Variants in CHRNA3 observed in about 807,000 individuals in gnomAD.
The protein encoded by CHRNA3 is neuronal acetylcholine receptor subunit alpha-3.
In CHRNA3, 34 loss-of-function variants were observed where a neutral mutation model predicts 41.9. The ratio of observed to expected loss-of-function variants is 0.81; its 90% CI spans 0.62 to 1.08. The LOEUF is 1.08. CHRNA3 is among the 50% of genes least tolerant of loss of function. The pLI is 0.00. For missense variants in CHRNA3, 542 were observed against 638.3 expected, an observed-to-expected ratio of 0.85 and a Z score of 1.63; for synonymous variants, 281 against 265.2, an observed-to-expected ratio of 1.06 and a Z score of -0.58.
intron 4 of CHRNA3, among the ~76,000 whole-genome samples, chr15:78,615,380 CT>C (rs891030699): frequency 4.5e-4 from 69 of 152,336 alleles, no homozygotes; most frequent in African/African-American, 1.6e-3. Context: ...GCTCAGCCCC[CT>C]GATCACAGCA....
In CHRNA3 at chr15:78,595,848, A is replaced by AGAT. The variant is rs2053098453; in HGVS notation, c.*753_*755dup. 6.5e-6 allele frequency: 1 copy of AGAT among 154,550 alleles called. No individual in the cohort carries two copies. The allele number at this position is 154,550 out of a possible 1,614,324, so 9.6% of individuals were successfully genotyped here. A position where few individuals can be genotyped will look rare whatever the true frequency, so the allele number is the denominator to read the frequency against. On this transcript the variant is annotated 3_prime_UTR_variant, in exon 6 of 6. Transcript: ENST00000326828. ...TGCCCTTATAAAATAGACCCCACAGAGATAGCTAGTCCCTTCAGTCATGTG... is the reference window on the plus strand; with the variant it reads ...TGCCCTTATAAAATAGACCCCACAGAGATGATAGCTAGTCCCTTCAGTCATGTG...
intron 4 of CHRNA3, among the ~76,000 whole-genome samples, chr15:78,610,241 G>C (rs539209083): frequency 1.3e-5 from 2 of 152,136 alleles, no homozygotes; most frequent in Non-Finnish European, 2.9e-5. Context: ...GACATCTACA[G>C]AACTCTCCAC....
chr15:78,608,286 C>T (rs764339542), intron 4 of CHRNA3, among the ~76,000 whole-genome samples: 1 of 152,216 alleles, frequency 6.6e-6, no homozygotes, highest in African/African-American at 2.4e-5. Context: ...CCCTGACCCC[C>T]GAGCAGCCTA....
In CHRNA3 at chr15:78,618,898, CCT is replaced by C. The variant is rs761328785; in HGVS notation, c.98_99del (p.Glu33GlyfsTer2). 6.2e-7 allele frequency: 1 copy of C among 1,613,500 alleles called. No individual in the cohort carries two copies. The highest frequency in any genetic ancestry group is 1.1e-5 in the South Asian group (1 of 91,062). On this transcript the variant is annotated frameshift_variant, in exon 2 of 6. Transcript: ENST00000326828. LOFTEE classifies it high-confidence loss of function. The stretch of plus-strand genomic sequence containing the variant: ...AGCCGCTCAAATAGACGGTGCTCAG[CCT>C]CTGAGGCCCTGGCCACTGTGGGAAG... Reference protein sequence around the residue: ...LSLLPVARASEAEHRLFERLF... With the variant: ...LSLLPVARASXAEHRLFERLF...
chr15:78,605,267 A>C (rs917589312), intron 4 of CHRNA3, among the ~76,000 whole-genome samples: 1 of 152,168 alleles, frequency 6.6e-6, no homozygotes, highest in African/African-American at 2.4e-5. Context: ...TCAGAAAAAT[A>C]GGGCAACTAG....
At chr15:78,613,733 TAAA>T (rs1286946889) in intron 4 of CHRNA3, among the ~76,000 whole-genome samples, 1 of 100,974 alleles carries the variant, frequency 9.9e-6, no homozygotes, top group African/African-American at 3.4e-5. Flanking sequence ...TAATAAAATT[TAAA>T]AAAAAACTGT....
intron 4 of CHRNA3, among the ~76,000 whole-genome samples, chr15:78,612,903 G>C (rs2141339605): frequency 6.6e-6 from 1 of 151,566 alleles, no homozygotes; most frequent in South Asian, 2.1e-4. Flanking sequence ...TCAAAAAGTG[G>C]GTGAAGGATA....
chr15:78,603,855 G>C (rs935839263), intron 4 of CHRNA3, among the ~76,000 whole-genome samples: 6 of 152,028 alleles, frequency 3.9e-5, no homozygotes, highest in African/African-American at 1.2e-4. Flanking sequence ...AATTCCCTAC[G>C]AGTATTCCTG....
intron 4 of CHRNA3, chr15:78,607,654 T>C (rs145649011): frequency 0.012 from 1,861 of 152,674 alleles, 12 homozygotes; most frequent in Non-Finnish European, 0.017. Flanking sequence ...ATGCAGAAGA[T>C]GGGTGATTTC....
At chr15:78,616,895 A>G (rs1596084192) in intron 4 of CHRNA3, 129 bp downstream of exon 4, 1 of 631,932 alleles carries the variant, frequency 1.6e-6, no homozygotes. Context: ...TTACATACCT[A>G]TGGACTGAAC....
Position 78,601,390 on chromosome 15 carries a change from T to TA in CHRNA3, c.1251dup (p.Asn418Ter). ...TCAGAACTAGAGCTTCTCGTGAGGTTAGCACTGAAATTGGAGATTTTTATC... is the reference window on the plus strand; with the variant it reads ...TCAGAACTAGAGCTTCTCGTGAGGTTAAGCACTGAAATTGGAGATTTTTATC... On this transcript the variant is annotated frameshift_variant, in exon 5 of 6. Transcript: ENST00000326828. LOFTEE classifies it high-confidence loss of function. 6.2e-7 allele frequency: 1 copy of TA among 1,614,184 alleles called. No homozygotes were observed. The highest frequency in any genetic ancestry group is 8.5e-7 in the Non-Finnish European group (1 of 1,180,036).
chr15:78,606,381 C>A (rs12914385), intron 4 of CHRNA3, among the ~76,000 whole-genome samples: 4 of 148,526 alleles, frequency 2.7e-5, no homozygotes, highest in Non-Finnish European at 4.4e-5. Flanking sequence ...TTAACACACA[C>A]GCAGATAACA....
At chr15:78,620,484 G>A (rs2053532920) in intron 1 of CHRNA3, among the ~76,000 whole-genome samples, 1 of 151,536 alleles carries the variant, frequency 6.6e-6, no homozygotes, top group Non-Finnish European at 1.5e-5. Flanking sequence ...CCCGCTCAGT[G>A]ACTCCCAGGT....
At chr15:78,595,303 G>A, downstream of CHRNA3, 1 of 985,290 alleles carries the variant, frequency 1.0e-6, no homozygotes, top group Non-Finnish European at 1.2e-6. Context: ...ATGAGTCACA[G>A]CGGGCTGCAA....
At chr15:78,611,885 A>G (rs1274924349) in intron 4 of CHRNA3, among the ~76,000 whole-genome samples, 1 of 152,120 alleles carries the variant, frequency 6.6e-6, no homozygotes, top group Non-Finnish European at 1.5e-5. Context: ...CAGGATACAA[A>G]ATCAATGTAC....
intron 5 of CHRNA3, among the ~76,000 whole-genome samples, chr15:78,598,936 C>A (rs2053154457): frequency 6.6e-6 from 1 of 150,784 alleles, no homozygotes; most frequent in African/African-American, 2.4e-5. Context: ...CGAGTTCAAG[C>A]AATTCTTGTG....
In CHRNA3 at chr15:78,601,267, T is replaced by C. The variant is rs1460591599; in HGVS notation, c.1375A>G (p.Asn459Asp). Residue 459 changes from asparagine to aspartate, a missense_variant, in exon 5 of 6, where the codon AAT (asparagine) becomes GAT (aspartate). Physicochemically the swap from Asn to Asp is conservative, Grantham distance 23. Transcript: ENST00000326828. Reference protein sequence around the residue: ...KYIAENMKAQNEAKEIQDDWK... With the variant: ...KYIAENMKAQDEAKEIQDDWK... ...CATATCCTTACCTCTTTGGCTTCAT[T>C]TTGTGCTTTCATATTTTCAGCAATA... 6 of 1,612,878 alleles carry C rather than the reference T, an allele frequency of 3.7e-6. No individual in the cohort carries two copies. The highest frequency in any genetic ancestry group is 5.1e-6 in the Non-Finnish European group (6 of 1,179,284).
At chr15:78,613,015 A>C (rs1210792107) in intron 4 of CHRNA3, among the ~76,000 whole-genome samples, 1 of 152,244 alleles carries the variant, frequency 6.6e-6, no homozygotes, top group African/African-American at 2.4e-5. Flanking sequence ...CAAAACCACA[A>C]TGAGATACCA....
chr15:78,601,995 T>G lies in CHRNA3; in HGVS notation c.647A>C (p.Lys216Thr). The G allele has an allele frequency of 8.1e-6, 13 of 1,613,656 alleles. No individual in the cohort carries two copies. The highest frequency in any genetic ancestry group is 1.0e-5 in the Non-Finnish European group (12 of 1,179,682). Residue 216 changes from lysine to threonine, a missense_variant, in exon 5 of 6, where the codon AAA becomes ACA. By Grantham distance (78) the Lys-to-Thr change is moderately conservative. Coordinates refer to ENST00000326828, the MANE Select transcript of CHRNA3 (RefSeq NM_000743.5). ...EWAIIKAPGYKHDIKYNCCEE... is the reference protein window; with the variant it reads ...EWAIIKAPGYTHDIKYNCCEE... ...GCAGCAGTTGTACTTGATGTCGTGT[T>G]TGTAGCCTGGGGCTTTGATGATGGC... is the stretch of plus-strand genomic sequence containing the variant.
Sources: gnomAD v4.1 joint callset for allele counts (sites outside exome capture counted in the v4.1 genomes callset) on GRCh38, gnomAD v4.1.1 for gene constraint, MANE v1.5 for transcripts, NCBI Gene and HGNC (gene_info 2026-07-23, HGNC 2026-07-21) for gene names.